ANK2: variants seen among roughly 807,000 people sequenced by gnomAD.
ANK2 encodes ankyrin-2.
A neutral mutation model predicts 360.5 loss-of-function variants in ANK2; 83 were observed. The observed-to-expected ratio is 0.23, with a 90% CI of 0.19 to 0.28. ANK2 has a LOEUF of 0.28. Among genes scored for constraint, ANK2 ranks in the 10% least tolerant of loss-of-function variants. The probability of loss-of-function intolerance (pLI) is 1.00; values close to 1 mark genes in which losing one functional copy is unlikely to be tolerated. For synonymous variants in ANK2, 1,740 were observed against 1,759.5 expected (o/e 0.99, Z 0.28); for missense variants, 4,201 against 4,795.7 (o/e 0.88, Z 3.66).
chr4:112,931,800 C>A (rs544933521), intron 2 of ANK2, among the ~76,000 whole-genome samples: 20 of 152,254 alleles, frequency 1.3e-4, no homozygotes, highest in African/African-American at 3.6e-4. Context: ...ATCCAGATGT[C>A]TCTAACTATC....
At chr4:112,744,381 C>G in the ANK2 span, among the ~76,000 whole-genome samples, 6 of 146,490 alleles carry the variant, frequency 4.1e-5, no homozygotes, top group Non-Finnish European at 7.4e-5. Context: ...GGGTCTTGCT[C>G]TGTTGCCCAG....
intron 1 of ANK2, among the ~76,000 whole-genome samples, chr4:113,053,496 A>G (rs753723402): frequency 1.3e-5 from 2 of 152,204 alleles, no homozygotes; most frequent in African/African-American, 2.4e-5. Flanking sequence ...TCTAATTCTC[A>G]ACTGGAATCC....
chr4:112,781,827 AT>A, the ANK2 span, among the ~76,000 whole-genome samples: 3,107 of 124,692 alleles, frequency 0.025, 65 homozygotes, highest in African/African-American at 0.079. Context: ...TGATAACAGT[AT>A]TTTTTTTTTT....
intron 11 of ANK2, among the ~76,000 whole-genome samples, chr4:113,256,331 A>G (rs2049303794): frequency 1.3e-5 from 2 of 152,218 alleles, no homozygotes; most frequent in Admixed American, 6.5e-5. Flanking sequence ...TTGGAAAAAA[A>G]ATTAATGGTG....
At chr4:113,177,637 A>G (rs2098268041) in intron 2 of ANK2, among the ~76,000 whole-genome samples, 1 of 152,238 alleles carries the variant, frequency 6.6e-6, no homozygotes, top group Non-Finnish European at 1.5e-5. Flanking sequence ...TAATCTCTCA[A>G]CAGTAAATAC....
At chr4:112,726,602 C>T in the ANK2 span, among the ~76,000 whole-genome samples, 6 of 151,970 alleles carry the variant, frequency 3.9e-5, no homozygotes, top group South Asian at 1.0e-3. Flanking sequence ...TAAGAATTCT[C>T]TTATTGCGGG....
intron 2 of ANK2, among the ~76,000 whole-genome samples, chr4:112,940,870 C>G (rs1197139360): frequency 6.6e-6 from 1 of 152,038 alleles, no homozygotes; most frequent in Non-Finnish European, 1.5e-5. Flanking sequence ...ATTCTCGTGT[C>G]AAAGAGTATG....
intron 2 of ANK2, among the ~76,000 whole-genome samples, chr4:112,981,198 G>A (rs1312181118): frequency 6.6e-6 from 1 of 152,252 alleles, no homozygotes; most frequent in Admixed American, 6.5e-5. Flanking sequence ...GGCTCCACTG[G>A]CATATGATTA....
At chr4:112,761,757 C>T in the ANK2 span, among the ~76,000 whole-genome samples, 1 of 152,226 alleles carries the variant, frequency 6.6e-6, no homozygotes, top group African/African-American at 2.4e-5. Flanking sequence ...TATACTTCTT[C>T]ACTTACCATA....
intron 2 of ANK2, among the ~76,000 whole-genome samples, chr4:112,950,720 T>C (rs1453276023): frequency 6.6e-6 from 1 of 151,600 alleles, no homozygotes; most frequent in African/African-American, 2.4e-5. Context: ...TAACGTATTA[T>C]CATTCTTGGA....
chr4:113,230,432 T>C (rs1415465215), intron 4 of ANK2, among the ~76,000 whole-genome samples: 1 of 152,074 alleles, frequency 6.6e-6, no homozygotes, highest in Non-Finnish European at 1.5e-5. Context: ...GGAGGATCGC[T>C]TGAACCTGGG....
chr4:112,779,809 A>G, the ANK2 span, among the ~76,000 whole-genome samples: 52 of 152,320 alleles, frequency 3.4e-4, no homozygotes, highest in African/African-American at 1.2e-3. Context: ...TTTATGATAG[A>G]GCCTGACATT....
At chr4:113,340,434 T>C (rs376899956) in intron 32 of ANK2, among the ~76,000 whole-genome samples, 11 of 152,342 alleles carry the variant, frequency 7.2e-5, no homozygotes, top group African/African-American at 2.6e-4. Context: ...GGCTCATGCC[T>C]GTAATCCCAG....
At chr4:112,708,400 T>C in the ANK2 span, among the ~76,000 whole-genome samples, 3 of 152,360 alleles carry the variant, frequency 2.0e-5, no homozygotes, top group East Asian at 1.9e-4. Flanking sequence ...GATTTTAATG[T>C]GGATTTTTGA....
chr4:113,014,139 T>G (rs1013240493), intron 2 of ANK2, among the ~76,000 whole-genome samples: 2 of 152,196 alleles, frequency 1.3e-5, no homozygotes, highest in Non-Finnish European at 2.9e-5. Flanking sequence ...TTGCATGTTA[T>G]TTTATGGAGA....
chr4:113,343,202 TC>T, intron 34 of ANK2, 60 bp downstream of exon 34: 3 of 1,575,696 alleles, frequency 1.9e-6, no homozygotes, highest in Non-Finnish European at 2.6e-6. Context: ...GAATTTGACT[TC>T]CTTTAGTAAT....
intron 31 of ANK2, among the ~76,000 whole-genome samples, chr4:113,338,675 T>C (rs946747637): frequency 1.4e-5 from 2 of 147,252 alleles, no homozygotes; most frequent in East Asian, 4.3e-4. Flanking sequence ...TCAGCCTCCC[T>C]AGTAGCTGGG....
In ANK2 at chr4:113,373,118, A is replaced by G. The variant is rs1216826006; in HGVS notation, c.11639A>G (p.Glu3880Gly). 3 of 1,614,132 alleles carry G rather than the reference A, an allele frequency of 1.9e-6. No homozygotes were observed. The highest frequency in any genetic ancestry group is 2.5e-6 in the Non-Finnish European group (3 of 1,179,990). Residue 3880 changes from glutamate (E) to glycine (G), a missense_variant, in exon 44 of 46, where the codon GAA becomes GGA. Coordinates refer to ENST00000357077, the MANE Select transcript of ANK2 (RefSeq NM_001148.6). Reference protein sequence around the residue: ...KGDDMPEIPPETVTEEEYIDE... With the variant: ...KGDDMPEIPPGTVTEEEYIDE... Reference sequence around the variant, plus strand: ...GACGATATGCCTGAAATACCCCCAGAAACAGTCACAGAAGAAGAATACATT... The same window carrying G: ...GACGATATGCCTGAAATACCCCCAGGAACAGTCACAGAAGAAGAATACATT...
intron 2 of ANK2, among the ~76,000 whole-genome samples, chr4:112,945,544 A>G (rs941127822): frequency 1.3e-5 from 2 of 152,178 alleles, no homozygotes; most frequent in African/African-American, 4.8e-5. Flanking sequence ...ATGCATCTGT[A>G]CACATCAGTT....
Sources: allele counts gnomAD v4.1 joint callset (sites outside exome capture counted in the v4.1 genomes callset), GRCh38; gene constraint gnomAD v4.1.1; transcripts MANE v1.5; gene names NCBI Gene and HGNC (gene_info 2026-07-23, HGNC 2026-07-21).